The following TMEM91 variants were observed in gnomAD, a reference collection of about 807,000 sequenced individuals.
TMEM91 encodes transmembrane protein 91.
Under a neutral mutation model 13.3 loss-of-function variants are expected in TMEM91, and 6 were observed. The observed-to-expected ratio is 0.45, with a 90% CI of 0.25 to 0.89. The LOEUF is 0.89. Ranked by LOEUF, TMEM91 falls within the 40% of genes least tolerant of loss-of-function variation. The probability of loss-of-function intolerance (pLI) is 0.19; values close to 1 mark genes in which losing one functional copy is unlikely to be tolerated. For synonymous variants in TMEM91, 87 were observed against 101.7 expected (o/e 0.86, Z 0.87); for missense variants, 193 against 228.7 (o/e 0.84, Z 1.01).
At chr19:41,379,888 C>CTTTTTTTTT (rs59525203) in intron 2 of TMEM91, among the ~76,000 whole-genome samples, 1 of 75,154 alleles carries the variant, frequency 1.3e-5, no homozygotes, top group African/African-American at 5.8e-5. Context: ...TTAGGGCTTC[C>CTTTTTTTTT]TTTTTTTTTT....
intron 1 of TMEM91, among the ~76,000 whole-genome samples, chr19:41,364,895 A>T (rs1225497365): frequency 6.6e-6 from 1 of 151,558 alleles, no homozygotes; most frequent in East Asian, 1.9e-4. Context: ...AAGGCTCCTT[A>T]AAAGGGTCTC....
chr19:41,374,153 C>T (rs2038668055), upstream of TMEM91: 1 of 152,250 alleles, frequency 6.6e-6, no homozygotes, highest in Admixed American at 6.5e-5. Context: ...CACTTGCAGA[C>T]GCCATCTGTT....
intron 3 of TMEM91, 157 bp downstream of exon 3, chr19:41,383,078 G>T: frequency 1.8e-6 from 2 of 1,101,784 alleles, no homozygotes; most frequent in East Asian, 2.4e-5. Context: ...GATTTTTTTT[G>T]AGTCTCACTT....
At chr19:41,376,452 G>A (rs1322361342), upstream of TMEM91, 1 of 152,238 alleles carries the variant, frequency 6.6e-6, no homozygotes, top group African/African-American at 2.4e-5. Context: ...TATTATTATT[G>A]GCTATTATTG....
intron 2 of TMEM91, among the ~76,000 whole-genome samples, chr19:41,379,598 GAAA>G (rs2038823951): frequency 6.7e-6 from 1 of 149,284 alleles, no homozygotes; most frequent in Admixed American, 6.8e-5. Flanking sequence ...AGGAAGGAAA[GAAA>G]GAAAAGAGAG....
rs746673832 is a variant in TMEM91 at position 41,378,450 on chromosome 19, G to A, written c.141G>A (p.Leu47=). 3 of 1,614,020 alleles carry A rather than the reference G, an allele frequency of 1.9e-6. No individual in the cohort carries two copies. In the African/African-American group the frequency reaches 4.0e-5, roughly 22 times the overall value. The change falls in exon 2 of 4, where the codon TTG becomes TTA. Residue 47 remains leucine, a synonymous_variant. Coordinates refer to ENST00000392002, the MANE Select transcript of TMEM91 (RefSeq NM_001098821.2). ...EIAFAESLRG[L]QFLSPPLPSV... is the part of the protein sequence containing the mutation. ...CCTTTGCCGAGTCCCTGAGGGGTTT[G>A]CAGTTCCTGTCACCGCCTCTTCCCT...
intron 3 of TMEM91, 58 bp from the exon 4 acceptor site, chr19:41,383,657 G>C (rs1262898521): frequency 1.2e-6 from 2 of 1,614,074 alleles, no homozygotes; most frequent in Non-Finnish European, 1.7e-6. Flanking sequence ...GGAGGGACCA[G>C]GGGAAGGGTC....
Position 41,383,917 on chromosome 19 carries a change from A to G in TMEM91, c.*44A>G, listed in dbSNP as rs1473459544. 2.5e-6 allele frequency: 4 copies of G among 1,577,698 alleles called. No homozygotes were observed. Among genetic ancestry groups the G allele is most frequent in the Admixed American group, 3.9e-5 (2 of 51,718 alleles). Reference sequence around the variant, plus strand: ...CTGTGAACCCTGAGGCCGGCAGCCCAGCAAATCTGTGGGCAGAGAGTGGAG... The same window carrying G: ...CTGTGAACCCTGAGGCCGGCAGCCCGGCAAATCTGTGGGCAGAGAGTGGAG... On this transcript the variant is annotated 3_prime_UTR_variant, in exon 4 of 4. Transcript: ENST00000392002.
intron 2 of TMEM91, among the ~76,000 whole-genome samples, chr19:41,380,500 C>T (rs1184370107): frequency 1.3e-5 from 2 of 152,218 alleles, no homozygotes; most frequent in Admixed American, 6.6e-5. Flanking sequence ...TGGGGCCGGG[C>T]GCTGTGGCTC....
chr19:41,374,131 C>G (rs1261710793), upstream of TMEM91: 6 of 152,304 alleles, frequency 3.9e-5, no homozygotes, highest in African/African-American at 1.4e-4. Context: ...CAGAAACTGG[C>G]TGAGCCAAGT....
intron 1 of TMEM91, among the ~76,000 whole-genome samples, chr19:41,365,208 G>A (rs1229307905): frequency 6.6e-6 from 1 of 151,942 alleles, no homozygotes; most frequent in African/African-American, 2.4e-5. Flanking sequence ...GTATTTACAA[G>A]CTACCATTGG....
intron 2 of TMEM91, among the ~76,000 whole-genome samples, chr19:41,380,846 G>A (rs1167042371): frequency 1.3e-5 from 2 of 150,740 alleles, no homozygotes; most frequent in East Asian, 2.0e-4. Context: ...CCTGGGAGGC[G>A]GAGGTTGCAG....
At chr19:41,379,603 AAAAG>A (rs1269704154) in intron 2 of TMEM91, among the ~76,000 whole-genome samples, 2 of 151,084 alleles carry the variant, frequency 1.3e-5, no homozygotes, top group Non-Finnish European at 2.9e-5. Flanking sequence ...GGAAAGAAAG[AAAAG>A]AGAGAGAGAA....
At chr19:41,380,913 C>CA (rs35462984) in intron 2 of TMEM91, among the ~76,000 whole-genome samples, 1,927 of 67,386 alleles carry the variant, frequency 0.029, 119 homozygotes, top group African/African-American at 0.11. Context: ...AACTCTGTCT[C>CA]AAAAAAAAAA....
rs75259651 is a variant in TMEM91 at position 41,378,747 on chromosome 19, C to T, written c.210+228C>T. Among the ~76,000 whole-genome samples the T allele has an allele frequency of 3.2e-3, 486 of 152,142 alleles. 1 individual carries two copies. Among genetic ancestry groups the T allele is most frequent in the African/African-American group, 0.011 (458 of 41,486 alleles). ...CTGTCTTCCCTCTGATCTCAGACTC[C>T]GCTGGTTGGTGTCTTCAGAGTGCAT... On this transcript the variant is annotated intron_variant, in intron 2 of 3. Coordinates refer to ENST00000392002, the MANE Select transcript of TMEM91 (RefSeq NM_001098821.2).
chr19:41,373,390 C>G (rs1221921815), upstream of TMEM91, among the ~76,000 whole-genome samples: 1 of 151,450 alleles, frequency 6.6e-6, no homozygotes, highest in African/African-American at 2.4e-5. Context: ...CCACAGAGCT[C>G]AATGATTTGG....
upstream of TMEM91, chr19:41,374,211 C>T (rs1249257935): frequency 2.0e-5 from 3 of 152,200 alleles, no homozygotes; most frequent in Admixed American, 2.0e-4. Flanking sequence ...GGACTCTTGG[C>T]AAGGAGCCCT....
chr19:41,366,656 G>A (rs1179841140), intron 1 of TMEM91, among the ~76,000 whole-genome samples: 4 of 151,604 alleles, frequency 2.6e-5, no homozygotes, highest in East Asian at 2.0e-4. Flanking sequence ...ACGGGGTTTC[G>A]CCATGTTGGC....
intron 3 of TMEM91, chr19:41,383,436 G>T: frequency 8.8e-7 from 1 of 1,134,946 alleles, no homozygotes. Context: ...TGCTACCTCT[G>T]GGTCAATGTG....
Sources: gnomAD v4.1 joint callset for allele counts (sites outside exome capture counted in the v4.1 genomes callset) on GRCh38, gnomAD v4.1.1 for gene constraint, MANE v1.5 for transcripts, NCBI Gene and HGNC (gene_info 2026-07-23, HGNC 2026-07-21) for gene names.